KLC3: variants seen among roughly 807,000 people sequenced by gnomAD.
KLC3 encodes kinesin light chain 2.
Under a neutral mutation model 62.9 loss-of-function variants are expected in KLC3, and 72 were observed. The ratio of observed to expected loss-of-function variants is 1.15; its 90% CI spans 0.95 to 1.39. KLC3 has a LOEUF of 1.39. Ranked by LOEUF, KLC3 falls within the 40% of genes most tolerant of loss-of-function variation. The pLI, the probability that KLC3 is intolerant of heterozygous loss-of-function variation, is 0.00. For missense variants in KLC3, 848 were observed against 691.6 expected (o/e 1.23, Z -2.54); for synonymous variants, 377 against 300.5 (o/e 1.25, Z -2.63).
chr19:45,351,014 T>G lies in KLC3; in HGVS notation c.1440T>G (p.Thr480=), dbSNP rs1831085570. 2.5e-6 allele frequency: 4 copies of G among 1,614,022 alleles called. No individual in the cohort carries two copies. Among genetic ancestry groups the G allele is most frequent in the Non-Finnish European group, 3.4e-6 (4 of 1,179,992 alleles). Residue 480 remains threonine (T), a synonymous_variant, in exon 12 of 13, where the codon ACT becomes ACG. Coordinates refer to ENST00000391946, the MANE Select transcript of KLC3 (RefSeq NM_177417.3). ...TGGATGCTCCAAGGGCTCCTGGGACTCAGGTGAGGGGGACATCTGGGTCAA... is the reference window on the plus strand; with the variant it reads ...TGGATGCTCCAAGGGCTCCTGGGACGCAGGTGAGGGGGACATCTGGGTCAA... ...LNVDAPRAPG[T]QFPSWHLDKA...
chr19:45,348,202 G>A (rs778180289), intron 5 of KLC3, 42 bp downstream of exon 5: 34 of 1,503,720 alleles, frequency 2.3e-5, no homozygotes, highest in Non-Finnish European at 3.1e-5. Flanking sequence ...AGGAACGGCA[G>A]GGACCCATTG....
rs760163785 is a variant in KLC3, at chr19:45,348,732, C to T, written c.866C>T (p.Ala289Val). Residue 289 changes from alanine to valine, a missense_variant and splice_region_variant, in exon 6 of 13, where the codon GCG becomes GTG. Transcript: ENST00000391946. ...REQTLGPEHPAVAATLNNLAV... is the reference protein window; with the variant it reads ...REQTLGPEHPVVAATLNNLAV... ...CAGACGCTGGGCCCTGAGCACCCCGCGGTGAGTGGGGCCCCAGGGAGACGA... is the reference window on the plus strand; with the variant it reads ...CAGACGCTGGGCCCTGAGCACCCCGTGGTGAGTGGGGCCCCAGGGAGACGA... 58 of 1,584,240 alleles carry T rather than the reference C, an allele frequency of 3.7e-5. No homozygotes were observed. The highest frequency in any genetic ancestry group is 2.2e-4 in the African/African-American group (16 of 74,206).
rs760024591 is a variant in KLC3 at position 45,345,594 on chromosome 19, T to C, written c.53T>C (p.Leu18Pro). Residue 18 changes from leucine (L) to proline (P), a missense_variant, in exon 2 of 13, where the codon CTG becomes CCG. Physicochemically the swap from Leu to Pro is moderately conservative, Grantham distance 98 (BLOSUM62 -3). Coordinates refer to ENST00000391946, the MANE Select transcript of KLC3 (RefSeq NM_177417.3). ...AGTGCAGGGCTGGGCCCAGAGCGCCTGAGCCCTGAGGAGCTGGTGCGGCAG... is the reference window on the plus strand; with the variant it reads ...AGTGCAGGGCTGGGCCCAGAGCGCCCGAGCCCTGAGGAGCTGGTGCGGCAG... ...PGSAGLGPER[L>P]SPEELVRQTR... is the part of the protein sequence containing the mutation. 6 of 1,573,416 alleles carry C rather than the reference T, an allele frequency of 3.8e-6. No individual in the cohort carries two copies. The highest frequency in any genetic ancestry group is 4.3e-6 in the Non-Finnish European group (5 of 1,160,612).
rs1211986812 is a variant in KLC3, at chr19:45,346,653, TG to T, written c.370del (p.Glu124ArgfsTer91). ...GAGAACGTGTGGCTGCGGGAGGAAC[TG>T]GAGGAGACGCAGCGGCGGCTTCGGG... ...AQENVWLREELEETQRRLRAS... is the reference protein window; with the variant it reads ...AQENVWLREEXEETQRRLRAS... On this transcript the variant is annotated frameshift_variant, in exon 3 of 13. Transcript: ENST00000391946. LOFTEE classifies it high-confidence loss of function. 1 of 1,557,796 alleles carries T rather than the reference TG, an allele frequency of 6.4e-7. No homozygotes were observed. Among genetic ancestry groups the T allele is most frequent in the African/African-American group, 1.4e-5 (1 of 73,216 alleles).
chr19:45,341,586 C>CGCGCGCGCGCGT (rs746391396), intron 1 of KLC3, among the ~76,000 whole-genome samples: 2 of 114,528 alleles, frequency 1.7e-5, no homozygotes, highest in Non-Finnish European at 3.8e-5. Context: ...TGTGCGCGCG[C>CGCGCGCGCGCGT]GCGTGTGGTG....
intron 4 of KLC3, among the ~76,000 whole-genome samples, 186 bp from the exon 5 acceptor site, chr19:45,347,755 C>T (rs1374725990): frequency 1.3e-5 from 2 of 152,282 alleles, no homozygotes; most frequent in African/African-American, 4.8e-5. Flanking sequence ...GTTCCTGTCC[C>T]GAGGCCAGGA....
At chr19:45,349,825 G>A (rs1263775328) in intron 8 of KLC3, 5 of 544,936 alleles carry the variant, frequency 9.2e-6, no homozygotes, top group Non-Finnish European at 1.6e-5. Flanking sequence ...AGCGGAAGCT[G>A]GCAGGCACAG....
chr19:45,350,319 C>A, intron 8 of KLC3, 22 bp from the exon 9 acceptor site: 1 of 1,609,242 alleles, frequency 6.2e-7, no homozygotes, highest in South Asian at 1.1e-5. Context: ...CGAAAAGTTC[C>A]CAGACACTCC....
chr19:45,341,578 T>TGTGTGCGCGCGCGCGCGCGC, intron 1 of KLC3, among the ~76,000 whole-genome samples: 38 of 139,796 alleles, frequency 2.7e-4, no homozygotes, highest in South Asian at 1.2e-3. Context: ...TGTGTGTGTG[T>TGTGTGCGCGCGCGCGCGCGC]GCGCGCGCGC....
At chr19:45,347,265 C>T in intron 3 of KLC3, 182 bp from the exon 4 acceptor site, 1 of 561,756 alleles carries the variant, frequency 1.8e-6, no homozygotes, top group Non-Finnish European at 3.2e-6. Context: ...TGGCTTGAAC[C>T]CAGGAGGTGG....
chr19:45,340,998 C>T (rs1971381776), intron 1 of KLC3, among the ~76,000 whole-genome samples, 152 bp downstream of exon 1: 1 of 152,140 alleles, frequency 6.6e-6, no homozygotes, highest in African/African-American at 2.4e-5. Context: ...GATCTGGAGG[C>T]CTGGCTGGGG....
rs754861036 is a variant in KLC3, at chr19:45,348,008, C to T, written c.627C>T (p.Thr209=). 2 of 1,609,146 alleles carry T rather than the reference C, an allele frequency of 1.2e-6. No individual in the cohort carries two copies. The highest frequency in any genetic ancestry group is 8.5e-7 in the Non-Finnish European group (1 of 1,178,028). The change falls in exon 5 of 13, where the codon ACC becomes ACT. Residue 209 remains threonine (T), a synonymous_variant. Coordinates refer to ENST00000391946, the MANE Select transcript of KLC3 (RefSeq NM_177417.3). ...ATGAGATCCCTGCCCGCCTTCGGAC[C>T]CTGCATAACCTCGTGATCCAGTACG... ...GGYEIPARLR[T]LHNLVIQYAG...
intron 12 of KLC3, 52 bp from the exon 13 acceptor site, chr19:45,351,234 G>C: frequency 6.3e-7 from 1 of 1,588,730 alleles, no homozygotes; most frequent in Non-Finnish European, 8.6e-7. Context: ...GAGGGTGGAT[G>C]TAACACTTGC....
At chr19:45,346,894 G>A in intron 3 of KLC3, 120 bp downstream of exon 3, 1 of 956,210 alleles carries the variant, frequency 1.0e-6, no homozygotes, top group Non-Finnish European at 1.5e-6. Context: ...CAGTCCCCCA[G>A]ACCCTCCTTA....
At chr19:45,344,379 A>ATTTT (rs11418920) in intron 1 of KLC3, among the ~76,000 whole-genome samples, 1 of 121,530 alleles carries the variant, frequency 8.2e-6, no homozygotes, top group African/African-American at 3.2e-5. Flanking sequence ...ATGCTCTGCT[A>ATTTT]TTTTTTTTTT....
chr19:45,349,413 G>T lies in KLC3; in HGVS notation c.970-16G>T. 1 of 1,591,332 alleles carries T rather than the reference G, an allele frequency of 6.3e-7. No individual in the cohort carries two copies. Among genetic ancestry groups the T allele is most frequent in the South Asian group, 1.1e-5 (1 of 88,820 alleles). The stretch of plus-strand genomic sequence containing the variant: ...ATCCTGTATGATCCCTCTGACTTGT[G>T]ACCCCTGGCCCCCAGGTCCTGGGTG... On this transcript the variant is annotated splice_polypyrimidine_tract_variant and intron_variant, in intron 7 of 12. Transcript: ENST00000391946.
At position 45,349,614 on chromosome 19, in the gene KLC3, G is replaced by C; in HGVS notation, c.1143+12G>C. ...CCAAGAACAACCTGGTGAGGCCCCT[G>C]GGGCTCAGAGTGGGCCAAGAGTGGA... On this transcript the variant is annotated intron_variant, in intron 8 of 12. Transcript: ENST00000391946. 1 of 1,600,612 alleles carries C rather than the reference G, an allele frequency of 6.2e-7. No individual in the cohort carries two copies. Among genetic ancestry groups the C allele is most frequent in the Non-Finnish European group, 8.5e-7 (1 of 1,171,416 alleles).
intron 10 of KLC3, 39 bp downstream of exon 10, chr19:45,350,590 G>A (rs1270564446): frequency 1.9e-5 from 30 of 1,613,750 alleles, no homozygotes; most frequent in Non-Finnish European, 2.4e-5. Context: ...GGGTGGGCGT[G>A]GGGACTGCAT....
At chr19:45,349,721 C>A in intron 8 of KLC3, 119 bp downstream of exon 8, 2 of 1,020,230 alleles carry the variant, frequency 2.0e-6, no homozygotes, top group Non-Finnish European at 2.8e-6. Flanking sequence ...CAGGCCGGGC[C>A]CTTGGAGCAA....
Sources: allele counts gnomAD v4.1 joint callset (sites outside exome capture counted in the v4.1 genomes callset), GRCh38; gene constraint gnomAD v4.1.1; transcripts MANE v1.5; gene names NCBI Gene and HGNC (gene_info 2026-07-23, HGNC 2026-07-21).